The following CDK12 variants were observed in gnomAD, a reference collection of about 807,000 sequenced individuals.
CDK12 encodes cyclin-dependent kinase 12.
A neutral mutation model predicts 133.8 loss-of-function variants in CDK12; 17 were observed. That is an observed-to-expected ratio of 0.13 (90% CI 0.09 to 0.19). CDK12 has a LOEUF of 0.19. CDK12 is among the 10% of genes least tolerant of loss of function. The probability of loss-of-function intolerance (pLI) is 1.00; values close to 1 mark genes in which losing one functional copy is unlikely to be tolerated. For missense variants in CDK12, 1,508 were observed against 1,818.7 expected (o/e 0.83, Z 3.11); for synonymous variants, 694 against 683.6 (o/e 1.02, Z -0.24).
intron 6 of CDK12, among the ~76,000 whole-genome samples, chr17:39,505,542 A>G (rs2053058227): frequency 6.6e-6 from 1 of 151,846 alleles, no homozygotes; most frequent in African/African-American, 2.4e-5. Flanking sequence ...AAAAAAAAAA[A>G]AGATTTGGGA....
At chr17:39,509,099 T>C (rs578203448) in intron 6 of CDK12, among the ~76,000 whole-genome samples, 1 of 152,238 alleles carries the variant, frequency 6.6e-6, no homozygotes, top group East Asian at 1.9e-4. Flanking sequence ...GCATCACGTA[T>C]GGGCCTGTTA....
In CDK12 at chr17:39,462,636, G is replaced by A; in HGVS notation, c.565G>A (p.Glu189Lys). Residue 189 changes from glutamate to lysine, a missense_variant, in exon 1 of 14, where the codon GAG becomes AAG. Transcript: ENST00000447079. The part of the protein sequence containing the change: ...LHKEKTRKER[E>K]LKSGHKDRSK... ...CAAGGAGAAGACCAGGAAAGAACGG[G>A]AGCTGAAGTCTGGGCACAAAGACCG... The A allele has an allele frequency of 6.2e-7, 1 of 1,614,080 alleles. No homozygotes were observed. Among genetic ancestry groups the A allele is most frequent in the Non-Finnish European group, 8.5e-7 (1 of 1,180,028 alleles).
chr17:39,559,985 T>C (rs1445432554), intron 3 of CDK12, among the ~76,000 whole-genome samples: 1 of 151,960 alleles, frequency 6.6e-6, no homozygotes, highest in Non-Finnish European at 1.5e-5. Flanking sequence ...GAATGTAAAA[T>C]GGGGCCTTGC....
At chr17:39,559,167 G>A (rs2056275157) in intron 3 of CDK12, among the ~76,000 whole-genome samples, 2 of 152,164 alleles carry the variant, frequency 1.3e-5, no homozygotes, top group Admixed American at 6.5e-5. Context: ...TTAAAATTGA[G>A]ATCATTGTAG....
At chr17:39,481,671 TC>T (rs1267064538) in intron 2 of CDK12, among the ~76,000 whole-genome samples, 1 of 20,756 alleles carries the variant, frequency 4.8e-5, no homozygotes. Flanking sequence ...TCTCTCTCTC[TC>T]TCTCTCTCTC....
At chr17:39,556,498 A>G (rs936679771) in intron 3 of CDK12, 1 of 152,354 alleles carries the variant, frequency 6.6e-6, no homozygotes. Flanking sequence ...AAATGTGTGT[A>G]TGCCTGTGCA....
At position 39,482,599 on chromosome 17, in the gene CDK12, A is replaced by ATTTTT. The variant is rs71147345; in HGVS notation, c.1932-7941_1932-7937dup. 2.0e-4 allele frequency among the ~76,000 whole-genome samples: 15 copies of ATTTTT among 74,422 alleles called. 4 individuals carry two copies. Among genetic ancestry groups the ATTTTT allele is most frequent in the Non-Finnish European group, 2.1e-4 (8 of 37,772 alleles). The allele number at this position is 74,422 out of a possible 152,430, so 48.8% of individuals were successfully genotyped here. On this transcript the variant is annotated intron_variant, in intron 2 of 13. Transcript: ENST00000447079. ...GCTGCCAAAGTGAACAATCAACTACATTTTTTTTTTTTTTTTTTTTTGAGG... is the reference window on the plus strand; with the variant it reads ...GCTGCCAAAGTGAACAATCAACTACATTTTTTTTTTTTTTTTTTTTTTTTTTGAGG...
chr17:39,483,481 GTAGAACTCC>G (rs1240099946), intron 2 of CDK12, among the ~76,000 whole-genome samples: 6 of 151,774 alleles, frequency 4.0e-5, no homozygotes, highest in Non-Finnish European at 8.8e-5. Context: ...GTCCAGGGTA[GTAGAACTCC>G]TAGACACAAG....
chr17:39,530,880 C>G lies in CDK12; in HGVS notation c.4037C>G (p.Thr1346Arg), dbSNP rs773802008. 1.9e-6 allele frequency: 3 copies of G among 1,614,094 alleles called. No individual in the cohort carries two copies. The African/African-American group carries it at 4.0e-5, about 22-fold the overall frequency. ...RTYGNTDGPE[T>R]GFSAIDTDER... ...TATGGAAACACTGATGGGCCTGAAA[C>G]AGGGTTCAGTGCCATTGACACTGAT... is the stretch of plus-strand genomic sequence containing the variant. The change falls in exon 14 of 14, where the codon ACA becomes AGA. Residue 1346 changes from threonine (T) to arginine (R), a missense_variant. Physicochemically the swap from Thr to Arg is moderately conservative, Grantham distance 71 (BLOSUM62 -1). This residue lies in a region of CDK12 where 399 missense variants were observed against 469.6 expected (regional missense o/e 0.85). Transcript: ENST00000447079.
chr17:39,481,814 G>C (rs1312182932), intron 2 of CDK12, among the ~76,000 whole-genome samples: 2 of 151,104 alleles, frequency 1.3e-5, no homozygotes, highest in African/African-American at 4.9e-5. Context: ...TCCGCCTCCC[G>C]GGTTGAAGTG....
At chr17:39,527,922 T>G (rs911573771) in intron 13 of CDK12, among the ~76,000 whole-genome samples, 2 of 152,046 alleles carry the variant, frequency 1.3e-5, no homozygotes, top group African/African-American at 4.8e-5. Flanking sequence ...GTACTTTTTT[T>G]TTGTTTGTTT....
At chr17:39,502,600 T>C (rs576130922) in intron 6 of CDK12, among the ~76,000 whole-genome samples, 2 of 152,220 alleles carry the variant, frequency 1.3e-5, no homozygotes, top group Non-Finnish European at 2.9e-5. Flanking sequence ...CATGCGACGA[T>C]TGAACACTGG....
intron 13 of CDK12, 123 bp downstream of exon 13, chr17:39,526,439 T>G: frequency 1.4e-6 from 1 of 706,634 alleles, no homozygotes; most frequent in Non-Finnish European, 2.3e-6. Context: ...TAACCTAGTC[T>G]ACAGGAGAAC....
At chr17:39,476,722 T>TTTTTTTTTTTTA (rs2050233717) in intron 2 of CDK12, among the ~76,000 whole-genome samples, 1 of 111,452 alleles carries the variant, frequency 9.0e-6, no homozygotes, top group Non-Finnish European at 1.8e-5. Context: ...TTTTTTTTTT[T>TTTTTTTTTTTTA]TTTTTTTTTT....
rs547117091 is a variant in CDK12, at chr17:39,561,546, C to G, written n.485-3214C>G. ...TTTGTCTGTCACTCAGCCTCTGGGG[C>G]ACTGGTTGAAGCTGACAGGTGGAAA... On this transcript the variant is annotated intron_variant and non_coding_transcript_variant, in intron 3 of 3. Transcript: ENST00000558240. 6.8e-4 allele frequency among the ~76,000 whole-genome samples: 103 copies of G among 152,324 alleles called. 1 individual carries two copies. The highest frequency in any genetic ancestry group is 2.3e-3 in the African/African-American group (96 of 41,570).
At chr17:39,495,496 AAG>A in intron 5 of CDK12, among the ~76,000 whole-genome samples, 1 of 150,686 alleles carries the variant, frequency 6.6e-6, no homozygotes. Context: ...GAAGAAGAAA[AAG>A]AAGATGGTAG....
At chr17:39,468,909 A>T (rs1412137971) in intron 1 of CDK12, among the ~76,000 whole-genome samples, 1 of 151,392 alleles carries the variant, frequency 6.6e-6, no homozygotes, top group Non-Finnish European at 1.5e-5. Context: ...GCTTACTGCA[A>T]CCTCCGCCTC....
At chr17:39,563,700 G>A (rs1244790404) in intron 3 of CDK12, among the ~76,000 whole-genome samples, 1 of 152,042 alleles carries the variant, frequency 6.6e-6, no homozygotes, top group Non-Finnish European at 1.5e-5. Context: ...GCAGGATGGC[G>A]GAGGAAGATT....
In CDK12 at chr17:39,502,809, A is replaced by G. The variant is rs113565325; in HGVS notation, c.2609+1370A>G. ...GAAGCAGCTGCATGCACAAAAGTAC[A>G]TAAACATGAAAATAACATGTTATGT... On this transcript the variant is annotated intron_variant, in intron 6 of 13. Coordinates refer to ENST00000447079, the MANE Select transcript of CDK12 (RefSeq NM_016507.4). Among the ~76,000 whole-genome samples the G allele has an allele frequency of 5.2e-3, 795 of 152,316 alleles. 11 individuals are homozygous for G. The highest frequency in any genetic ancestry group is 0.018 in the African/African-American group (755 of 41,578).
Sources: gnomAD v4.1 joint callset for allele counts (sites outside exome capture counted in the v4.1 genomes callset) on GRCh38, gnomAD v4.1.1 for gene constraint, gnomAD v4.1.1 regional missense constraint, MANE v1.5 for transcripts, NCBI Gene and HGNC (gene_info 2026-07-23, HGNC 2026-07-21) for gene names.